MTUS2: variants seen among roughly 807,000 people sequenced by gnomAD.
MTUS2 encodes microtubule-associated tumor suppressor candidate 2.
In MTUS2, 40 loss-of-function variants were observed where a neutral mutation model predicts 114.1. That is an observed-to-expected ratio of 0.35 (90% CI 0.27 to 0.46). The LOEUF is 0.46. Ranked by LOEUF, MTUS2 falls within the 20% of genes least tolerant of loss-of-function variation. The pLI, the probability that MTUS2 is intolerant of heterozygous loss-of-function variation, is 1.00. For synonymous variants in MTUS2, 688 were observed against 672.0 expected, an observed-to-expected ratio of 1.02 and a Z score of -0.37; for missense variants, 1,679 against 1,705.4, an observed-to-expected ratio of 0.98 and a Z score of 0.27.
intron 5 of MTUS2, among the ~76,000 whole-genome samples, chr13:29,226,574 T>C (rs989577224): frequency 6.6e-6 from 1 of 152,058 alleles, no homozygotes; most frequent in African/African-American, 2.4e-5. Context: ...ATTTTAAATA[T>C]TAGATAAATA....
chr13:29,383,240 G>GTATATATATATATATT lies in MTUS2; in HGVS notation c.3117+23768_3117+23769insATATATATATATATTT, dbSNP rs1224083355. Among the ~76,000 whole-genome samples the GTATATATATATATATT allele has an allele frequency of 3.6e-4, 9 of 25,078 alleles. No individual in the cohort carries two copies. In the South Asian group the frequency reaches 0.016, roughly 44 times the overall value. The allele number at this position is 25,078 out of a possible 152,430, so 16.5% of individuals were successfully genotyped here. On this transcript the variant is annotated intron_variant, in intron 8 of 15. Transcript: ENST00000612955. ...TGAGTGTGTGTGTGTGTGTGTGTGTGTGTGTGTGTGTGTATTTATTTTTCT... is the reference window on the plus strand; with the variant it reads ...TGAGTGTGTGTGTGTGTGTGTGTGTGTATATATATATATATTTGTGTGTGTGTGTATTTATTTTTCT...
chr13:28,918,787 G>T (rs1880886598), intron 2 of MTUS2, among the ~76,000 whole-genome samples: 1 of 151,858 alleles, frequency 6.6e-6, no homozygotes, highest in Non-Finnish European at 1.5e-5. Context: ...TGAAGGTGAT[G>T]TTCTCTGGTA....
At chr13:29,083,308 G>A (rs1313090335) in intron 4 of MTUS2, among the ~76,000 whole-genome samples, 1 of 152,156 alleles carries the variant, frequency 6.6e-6, no homozygotes, top group East Asian at 1.9e-4. Flanking sequence ...AGAAGAGAAT[G>A]TCATCAATAT....
intron 5 of MTUS2, among the ~76,000 whole-genome samples, chr13:29,114,835 G>A (rs1005270427): frequency 1.3e-5 from 2 of 152,192 alleles, no homozygotes; most frequent in Admixed American, 1.3e-4. Context: ...GTGGAAATTT[G>A]TATTTTCAAT....
intron 8 of MTUS2, among the ~76,000 whole-genome samples, chr13:29,413,692 A>G: frequency 1.4e-4 from 1 of 7,014 alleles, no homozygotes; most frequent in East Asian, 2.0e-3. Flanking sequence ...CAGCCAAAAA[A>G]CACATGAAGA....
intron 6 of MTUS2, among the ~76,000 whole-genome samples, chr13:29,296,347 G>A (rs1241009105): frequency 6.6e-6 from 1 of 152,016 alleles, no homozygotes; most frequent in Non-Finnish European, 1.5e-5. Context: ...TGGGATTACA[G>A]ACACACACCA....
chr13:29,426,411 G>T (rs1168934940), intron 8 of MTUS2, among the ~76,000 whole-genome samples: 1 of 152,188 alleles, frequency 6.6e-6, no homozygotes, highest in Non-Finnish European at 1.5e-5. Context: ...TCGTAAAGTG[G>T]AACAGTCATA....
At chr13:29,376,986 G>A (rs1291387656) in intron 8 of MTUS2, among the ~76,000 whole-genome samples, 1 of 152,052 alleles carries the variant, frequency 6.6e-6, no homozygotes, top group African/African-American at 2.4e-5. Flanking sequence ...ATTCATAGAA[G>A]AAGAAGTATG....
chr13:28,892,276 T>A (rs1878979476), intron 2 of MTUS2, among the ~76,000 whole-genome samples: 1 of 152,092 alleles, frequency 6.6e-6, no homozygotes, highest in Admixed American at 6.6e-5. Flanking sequence ...CGGGTGGCGC[T>A]TGGGGCTATG....
At chr13:28,883,471 G>C (rs1878413799) in intron 2 of MTUS2, among the ~76,000 whole-genome samples, 1 of 152,162 alleles carries the variant, frequency 6.6e-6, no homozygotes, top group East Asian at 1.9e-4. Flanking sequence ...ACAATGAGAA[G>C]GAATGAGCTG....
intron 2 of MTUS2, among the ~76,000 whole-genome samples, chr13:29,010,460 C>T (rs1388886594): frequency 6.6e-6 from 1 of 152,116 alleles, no homozygotes; most frequent in Non-Finnish European, 1.5e-5. Flanking sequence ...AATCAGAGGA[C>T]TTACCATCTC....
At position 28,887,325 on chromosome 13, in the gene MTUS2, C is replaced by T. The variant is rs188831557; in HGVS notation, c.-243+47475C>T. 2.0e-5 allele frequency among the ~76,000 whole-genome samples: 3 copies of T among 152,252 alleles called. No individual in the cohort carries two copies. In the East Asian group the frequency reaches 5.8e-4, roughly 29 times the overall value. Reference sequence around the variant, plus strand: ...GTCTTCCAGATACCCTCGCCCCTTTCGGCTCCCTGGACGCTACTCGTTTCT... The same window carrying T: ...GTCTTCCAGATACCCTCGCCCCTTTTGGCTCCCTGGACGCTACTCGTTTCT... On this transcript the variant is annotated intron_variant, in intron 2 of 15. Transcript: ENST00000612955.
chr13:29,489,151 G>A (rs1361018344), intron 11 of MTUS2, among the ~76,000 whole-genome samples: 2 of 152,064 alleles, frequency 1.3e-5, no homozygotes, highest in South Asian at 2.1e-4. Context: ...CAGGCGCGGT[G>A]GGCTGGCTAC....
intron 8 of MTUS2, among the ~76,000 whole-genome samples, chr13:29,388,240 T>C (rs919510283): frequency 2.0e-5 from 3 of 152,102 alleles, no homozygotes; most frequent in Non-Finnish European, 2.9e-5. Flanking sequence ...CCGTGACAGG[T>C]ACCATGAAGT....
At chr13:28,845,838 A>C (rs1875842418) in intron 2 of MTUS2, among the ~76,000 whole-genome samples, 1 of 151,796 alleles carries the variant, frequency 6.6e-6, no homozygotes, top group Non-Finnish European at 1.5e-5. Context: ...CCTTACCTTA[A>C]AAGGGGATGG....
intron 8 of MTUS2, among the ~76,000 whole-genome samples, chr13:29,363,232 C>T (rs111927305): frequency 6.6e-6 from 1 of 152,178 alleles, no homozygotes; most frequent in Non-Finnish European, 1.5e-5. Context: ...ATGGTCCTCA[C>T]CCTGCAGCAT....
intron 2 of MTUS2, among the ~76,000 whole-genome samples, chr13:28,856,318 C>A (rs1483374269): frequency 6.6e-6 from 1 of 152,202 alleles, no homozygotes; most frequent in African/African-American, 2.4e-5. Context: ...CGGATGGCTG[C>A]ATATGTAGGG....
At chr13:29,084,364 A>G (rs1005595105) in intron 4 of MTUS2, among the ~76,000 whole-genome samples, 2 of 139,512 alleles carry the variant, frequency 1.4e-5, no homozygotes, top group Admixed American at 7.1e-5. Context: ...CACCCTCCTT[A>G]AAAAAAAAAA....
intron 5 of MTUS2, among the ~76,000 whole-genome samples, chr13:29,279,089 A>G (rs1898173221): frequency 6.6e-6 from 1 of 152,194 alleles, no homozygotes; most frequent in Non-Finnish European, 1.5e-5. Flanking sequence ...TCTTACATTA[A>G]CTTTTTAAAA....
Sources: gnomAD v4.1 joint callset for allele counts (sites outside exome capture counted in the v4.1 genomes callset) on GRCh38, gnomAD v4.1.1 for gene constraint, MANE v1.5 for transcripts, NCBI Gene and HGNC (gene_info 2026-07-23, HGNC 2026-07-21) for gene names.